ADAMTS18: variants seen among roughly 807,000 people sequenced by gnomAD.
ADAMTS18 encodes ADAM metallopeptidase with thrombospondin type 1 motif 18.
Under a neutral mutation model 165.9 loss-of-function variants are expected in ADAMTS18, and 157 were observed. The observed-to-expected ratio is 0.95, with a 90% CI of 0.83 to 1.08. The LOEUF (loss-of-function observed/expected upper bound fraction) is 1.08, where lower values mean the gene tolerates loss of function less well. Ranked by LOEUF, ADAMTS18 falls within the 50% of genes least tolerant of loss-of-function variation. The pLI, the probability that ADAMTS18 is intolerant of heterozygous loss-of-function variation, is 0.00. For missense variants in ADAMTS18, 2,040 were observed against 1,534.0 expected, an observed-to-expected ratio of 1.33 and a Z score of -5.51; for synonymous variants, 782 against 578.2, an observed-to-expected ratio of 1.35 and a Z score of -5.06.
chr16:77,403,121 A>G (rs375455479), intron 3 of ADAMTS18, among the ~76,000 whole-genome samples: 2 of 152,222 alleles, frequency 1.3e-5, no homozygotes, highest in South Asian at 2.1e-4. Flanking sequence ...ACAGATAATA[A>G]TGTCAAATTT....
chr16:77,285,945 C>T (rs533774691), intron 22 of ADAMTS18, among the ~76,000 whole-genome samples: 3 of 152,160 alleles, frequency 2.0e-5, no homozygotes, highest in Non-Finnish European at 4.4e-5. Context: ...ACCTTAACTG[C>T]CAGTAATCTT....
chr16:77,294,323 T>C (rs1941527632), intron 19 of ADAMTS18, among the ~76,000 whole-genome samples: 1 of 152,100 alleles, frequency 6.6e-6, no homozygotes, highest in African/African-American at 2.4e-5. Context: ...ACCCACTAGA[T>C]GCCAGGAGCA....
intron 3 of ADAMTS18, among the ~76,000 whole-genome samples, chr16:77,409,213 C>T (rs1412907139): frequency 6.6e-6 from 1 of 151,884 alleles, no homozygotes; most frequent in African/African-American, 2.4e-5. Flanking sequence ...ATGCTATTTC[C>T]ATTAATTATT....
chr16:77,346,913 C>T (rs896463203), intron 10 of ADAMTS18, among the ~76,000 whole-genome samples: 2 of 152,200 alleles, frequency 1.3e-5, no homozygotes, highest in African/African-American at 2.4e-5. Context: ...CCACCACATT[C>T]AAGGCAGAAT....
intron 11 of ADAMTS18, among the ~76,000 whole-genome samples, chr16:77,341,378 C>T (rs1567497669): frequency 6.6e-6 from 1 of 152,040 alleles, no homozygotes; most frequent in Non-Finnish European, 1.5e-5. Context: ...CATCTGATCC[C>T]TGAGACTTTT....
chr16:77,404,256 C>G (rs200339130), intron 3 of ADAMTS18, among the ~76,000 whole-genome samples: 7 of 151,964 alleles, frequency 4.6e-5, no homozygotes, highest in African/African-American at 1.7e-4. Flanking sequence ...TCAAACTCCA[C>G]AAGCCAATAG....
intron 10 of ADAMTS18, among the ~76,000 whole-genome samples, chr16:77,348,907 C>T (rs547910021): frequency 6.6e-6 from 1 of 152,158 alleles, no homozygotes; most frequent in East Asian, 1.9e-4. Flanking sequence ...CACTGGGTGG[C>T]CACACAGCAT....
At chr16:77,363,605 T>C (rs867360146) in intron 6 of ADAMTS18, among the ~76,000 whole-genome samples, 197 bp downstream of exon 6, 1 of 151,748 alleles carries the variant, frequency 6.6e-6, no homozygotes, top group Non-Finnish European at 1.5e-5. Context: ...TATATTTAAA[T>C]ATAAATATTT....
At chr16:77,420,703 C>T (rs1175020315) in intron 3 of ADAMTS18, among the ~76,000 whole-genome samples, 2 of 152,180 alleles carry the variant, frequency 1.3e-5, no homozygotes, top group African/African-American at 4.8e-5. Flanking sequence ...TATTCATTAG[C>T]ATATTTAAAG....
rs142154055 is a variant in ADAMTS18 at position 77,290,649 on chromosome 16, T to A, written c.3402+617A>T. Reference sequence around the variant, plus strand: ...TGAACTGAACAGCTGTGCAGCAACATCTGCTGGGTGGAATGCTGGAAGGAC... The same window carrying A: ...TGAACTGAACAGCTGTGCAGCAACAACTGCTGGGTGGAATGCTGGAAGGAC... On this transcript the variant is annotated intron_variant, in intron 21 of 22. Coordinates refer to ENST00000282849, the MANE Select transcript of ADAMTS18 (RefSeq NM_199355.4). 1.1e-4 allele frequency: 18 copies of A among 162,172 alleles called. No homozygotes were observed. In the East Asian group the frequency reaches 3.2e-3, roughly 29 times the overall value. 10.0% of individuals were successfully genotyped at this position (162,172 alleles called of 1,614,324 possible). A position where few individuals can be genotyped will look rare whatever the true frequency, so the allele number is the denominator to read the frequency against.
At chr16:77,312,656 TTAAA>T (rs2055805224) in intron 16 of ADAMTS18, among the ~76,000 whole-genome samples, 1 of 152,184 alleles carries the variant, frequency 6.6e-6, no homozygotes, top group African/African-American at 2.4e-5. Flanking sequence ...TATGCATGGA[TTAAA>T]TAAAGTACGA....
intron 7 of ADAMTS18, among the ~76,000 whole-genome samples, chr16:77,359,833 C>G (rs748326009): frequency 6.6e-6 from 1 of 152,200 alleles, no homozygotes; most frequent in South Asian, 2.1e-4. Flanking sequence ...ATTAACGTCA[C>G]AGCTCAGGGT....
intron 3 of ADAMTS18, among the ~76,000 whole-genome samples, chr16:77,396,769 T>C (rs1232379918): frequency 1.3e-5 from 2 of 152,012 alleles, no homozygotes; most frequent in Non-Finnish European, 2.9e-5. Flanking sequence ...TATTCCAGCT[T>C]TGTTCACTAA....
intron 11 of ADAMTS18, 77 bp from the exon 12 acceptor site, chr16:77,335,981 G>C (rs962077589): frequency 6.4e-7 from 1 of 1,562,956 alleles, no homozygotes; most frequent in Non-Finnish European, 8.8e-7. Flanking sequence ...CACCTGCACA[G>C]TAACAGGAAA....
intron 13 of ADAMTS18, 106 bp from the exon 14 acceptor site, chr16:77,322,572 G>A (rs2056022787): frequency 7.1e-7 from 1 of 1,403,716 alleles, no homozygotes; most frequent in Non-Finnish European, 9.9e-7. Context: ...CTATCATGAT[G>A]AATATGGAAA....
chr16:77,354,453 C>T (rs2056599696), intron 9 of ADAMTS18, among the ~76,000 whole-genome samples: 1 of 151,748 alleles, frequency 6.6e-6, no homozygotes, highest in African/African-American at 2.4e-5. Flanking sequence ...GAAAAATTTC[C>T]TTCAGATATG....
intron 9 of ADAMTS18, 80 bp downstream of exon 9, chr16:77,355,860 G>C (rs1434250638): frequency 9.2e-6 from 14 of 1,529,502 alleles, no homozygotes; most frequent in Middle Eastern, 1.8e-4. Flanking sequence ...TTTCCACTGA[G>C]TATTCGTTTG....
At chr16:77,370,588 A>G (rs1337586793) in intron 3 of ADAMTS18, among the ~76,000 whole-genome samples, 1 of 152,094 alleles carries the variant, frequency 6.6e-6, no homozygotes, top group African/African-American at 2.4e-5. Flanking sequence ...TGTCTCTACT[A>G]AAAATACAAA....
At chr16:77,307,351 C>G (rs2055699909) in intron 16 of ADAMTS18, among the ~76,000 whole-genome samples, 1 of 152,110 alleles carries the variant, frequency 6.6e-6, no homozygotes, top group Admixed American at 6.5e-5. Context: ...AAGAACATGA[C>G]CAGGTATCAT....
Sources: gnomAD v4.1 joint callset for allele counts (sites outside exome capture counted in the v4.1 genomes callset) on GRCh38, gnomAD v4.1.1 for gene constraint, MANE v1.5 for transcripts, NCBI Gene and HGNC (gene_info 2026-07-23, HGNC 2026-07-21) for gene names.